IL16: variants seen among roughly 807,000 people sequenced by gnomAD.
IL16 encodes pro-interleukin-16.
Under a neutral mutation model 110.1 loss-of-function variants are expected in IL16, and 67 were observed. That is an observed-to-expected ratio of 0.61 (90% confidence interval 0.50 to 0.75). The LOEUF (loss-of-function observed/expected upper bound fraction) is 0.75. IL16 is among the 30% of genes least tolerant of loss of function. IL16 has a pLI of 0.00. For synonymous variants in IL16, 689 were observed against 662.9 expected, an observed-to-expected ratio of 1.04 and a Z score of -0.61; for missense variants, 1,545 against 1,655.0, an observed-to-expected ratio of 0.93 and a Z score of 1.15.
In IL16 at chr15:81,290,650, A is replaced by G. The variant is rs139118838; in HGVS notation, c.1420+110A>G. On this transcript the variant is annotated intron_variant, in intron 11 of 18. Coordinates refer to ENST00000683961, the MANE Select transcript of IL16 (RefSeq NM_172217.5). ...AAGGAATAGTAACAGCATTTACCAT[A>G]GACCAGCATAGTATGTAGACAAAGG... The G allele has an allele frequency of 4.5e-4, 296 of 652,402 alleles. No homozygotes were observed. The African/African-American group carries it at 5.0e-3, about 11-fold the overall frequency. 40.4% of individuals were successfully genotyped at this position (652,402 alleles called of 1,614,324 possible).
rs146879820 is a variant in IL16 at position 81,299,650 on chromosome 15, A to G, written c.2324A>G (p.Asp775Gly). Reference sequence around the variant, plus strand: ...ACTCCCAAAGTTTACAAGTCAGCAGACAGCAGCACTGTGAAGAAAGGTCCT... The same window carrying G: ...ACTCCCAAAGTTTACAAGTCAGCAGGCAGCAGCACTGTGAAGAAAGGTCCT... Reference protein sequence around the residue: ...NGTPKVYKSADSSTVKKGPPV... With the variant: ...NGTPKVYKSAGSSTVKKGPPV... Residue 775 changes from aspartate (D) to glycine (G), a missense_variant, in exon 14 of 19, where the codon GAC (aspartate) becomes GGC (glycine). By Grantham distance (94) the Asp-to-Gly change is moderately conservative. Transcript: ENST00000683961. 161 of 1,614,230 alleles carry G rather than the reference A, an allele frequency of 1.0e-4. No homozygotes were observed. The African/African-American group carries it at 1.9e-3, about 19-fold the overall frequency.
intron 2 of IL16, among the ~76,000 whole-genome samples, chr15:81,229,258 G>A (rs1431154599): frequency 6.6e-6 from 1 of 152,148 alleles, no homozygotes; most frequent in Non-Finnish European, 1.5e-5. Flanking sequence ...GAAATCATGG[G>A]TACACCGAGG....
upstream of IL16, among the ~76,000 whole-genome samples, chr15:81,192,036 C>T (rs1390169984): frequency 2.0e-5 from 3 of 152,190 alleles, no homozygotes; most frequent in African/African-American, 7.2e-5. Context: ...TCTGATACTA[C>T]AGTGGTAGAT....
At chr15:81,231,821 T>A (rs1403277628) in intron 2 of IL16, among the ~76,000 whole-genome samples, 4 of 152,220 alleles carry the variant, frequency 2.6e-5, no homozygotes, top group Admixed American at 2.6e-4. Context: ...GAATATCCAA[T>A]GTAGTCAACA....
chr15:81,221,594 C>G (rs932003575), intron 1 of IL16, among the ~76,000 whole-genome samples: 2 of 152,092 alleles, frequency 1.3e-5, no homozygotes, highest in Non-Finnish European at 2.9e-5. Flanking sequence ...TCCTCCCTCT[C>G]GATGCCAGGC....
intron 2 of IL16, among the ~76,000 whole-genome samples, chr15:81,241,473 A>G (rs1393272951): frequency 1.3e-5 from 2 of 152,204 alleles, no homozygotes; most frequent in South Asian, 2.1e-4. Flanking sequence ...CAATTTTTAT[A>G]ATTTTCTTCA....
At chr15:81,248,598 C>A (rs1476536131) in intron 2 of IL16, among the ~76,000 whole-genome samples, 1 of 149,498 alleles carries the variant, frequency 6.7e-6, no homozygotes, top group Non-Finnish European at 1.5e-5. Context: ...ATACTTATTC[C>A]ATTTTCCCTG....
At position 81,292,492 on chromosome 15, in the gene IL16, G is replaced by A. The variant is rs150267589; in HGVS notation, c.1421-64G>A. On this transcript the variant is annotated intron_variant, in intron 11 of 18. Transcript: ENST00000683961. ...TGCTGCCCGTGGCAGTCACAGGTGA[G>A]GCCAGGGGGTATTTCTGTTTTCTGA... 662 of 1,611,430 alleles carry A rather than the reference G, an allele frequency of 4.1e-4. 3 individuals are homozygous for A. The African/African-American group carries it at 7.4e-3, about 18-fold the overall frequency.
chr15:81,282,749 C>T lies in IL16; in HGVS notation c.1192C>T (p.Arg398Cys), dbSNP rs147330495. The change falls in exon 9 of 19, where the codon CGT becomes TGT. Residue 398 changes from arginine (R) to cysteine (C), a missense_variant. This residue lies in a region of IL16 where 1,185 missense variants were observed against 1,238.8 expected (regional missense o/e 0.96). Coordinates refer to ENST00000683961, the MANE Select transcript of IL16 (RefSeq NM_172217.5). ...SPGSVAHLDG[R>C]LRCGDEIVEI... ...AGGATCCGTGGCGCACCTGGACGGA[C>T]GTCTCCGGTATGTCCTCACTTCTGT... The T allele has an allele frequency of 5.0e-5, 81 of 1,609,456 alleles. 1 individual carries two copies. The highest frequency in any genetic ancestry group is 6.7e-5 in the African/African-American group (5 of 74,980).
In IL16 at chr15:81,198,692, T is replaced by A. The variant is rs546376994; in HGVS notation, c.-102+1540T>A. Among the ~76,000 whole-genome samples the A allele has an allele frequency of 6.2e-3, 935 of 151,254 alleles. 7 individuals carry two copies. Among genetic ancestry groups the A allele is most frequent in the Non-Finnish European group, 8.9e-3 (607 of 67,852 alleles). The stretch of plus-strand genomic sequence containing the variant: ...CTGGTTCCCAGCAGTGGCCCAGGGG[T>A]ATAGGAGTGAGAGGGAGGGAGGTAC... On this transcript the variant is annotated intron_variant, in intron 1 of 18. Transcript: ENST00000683961.
rs1350495808 is a variant in IL16, at chr15:81,292,553, C to T, written c.1421-3C>T. The T allele has an allele frequency of 4.4e-6, 7 of 1,608,008 alleles. No individual in the cohort carries two copies. Among genetic ancestry groups the T allele is most frequent in the Non-Finnish European group, 5.1e-6 (6 of 1,175,378 alleles). On this transcript the variant is annotated splice_polypyrimidine_tract_variant and splice_region_variant and intron_variant, in intron 11 of 18. Coordinates refer to ENST00000683961, the MANE Select transcript of IL16 (RefSeq NM_172217.5). ...TGAAGATTCTCTTGTGCTTCCCACA[C>T]AGGTGTCAAAAGGCTGGAAAGCAGT... is the stretch of plus-strand genomic sequence containing the variant.
intron 1 of IL16, among the ~76,000 whole-genome samples, 154 bp downstream of exon 1, chr15:81,197,306 C>A (rs1477928936): frequency 6.6e-6 from 1 of 152,104 alleles, no homozygotes; most frequent in Non-Finnish European, 1.5e-5. Flanking sequence ...GGAGCAGAAG[C>A]CAGGATTGTG....
chr15:81,292,845 A>G lies in IL16; in HGVS notation c.1710A>G (p.Pro570=). ...SRLPQESPPL[P]ESRDSHPPLR... ...TGCCCCAGGAGAGCCCACCCCTCCCAGAGAGCCGGGACAGCCACCCGCCGC... is the reference window on the plus strand; with the variant it reads ...TGCCCCAGGAGAGCCCACCCCTCCCGGAGAGCCGGGACAGCCACCCGCCGC... The change falls in exon 12 of 19, where the codon CCA becomes CCG. Residue 570 remains proline, a synonymous_variant. Transcript: ENST00000683961. 1 of 1,614,024 alleles carries G rather than the reference A, an allele frequency of 6.2e-7. No individual in the cohort carries two copies. The highest frequency in any genetic ancestry group is 8.5e-7 in the Non-Finnish European group (1 of 1,179,958).
upstream of IL16, among the ~76,000 whole-genome samples, chr15:81,193,997 A>G (rs1250481115): frequency 6.6e-6 from 1 of 152,202 alleles, no homozygotes; most frequent in Non-Finnish European, 1.5e-5. Context: ...ACTAGTTAAA[A>G]TTGTTACATT....
chr15:81,273,270 G>C, intron 6 of IL16, 66 bp downstream of exon 6: 1 of 1,204,288 alleles, frequency 8.3e-7, no homozygotes, highest in Non-Finnish European at 1.2e-6. Flanking sequence ...AATTGCTGGG[G>C]CCATAGAAGA....
At chr15:81,213,441 C>T (rs557472378) in intron 1 of IL16, among the ~76,000 whole-genome samples, 30 of 152,110 alleles carry the variant, frequency 2.0e-4, no homozygotes, top group Non-Finnish European at 2.6e-4. Context: ...AGAGTGTCTT[C>T]GTTGGTTTTC....
At chr15:81,304,182 A>G (rs532496212) in intron 16 of IL16, among the ~76,000 whole-genome samples, 2 of 152,342 alleles carry the variant, frequency 1.3e-5, no homozygotes, top group Non-Finnish European at 2.9e-5. Flanking sequence ...TTCAGAGTCA[A>G]TCATGTCAGT....
chr15:81,187,527 T>C (rs913864969), intron 1 of IL16, among the ~76,000 whole-genome samples: 5 of 151,684 alleles, frequency 3.3e-5, no homozygotes, highest in African/African-American at 1.2e-4. Context: ...TCTGGGAGGT[T>C]GAGTTTGCAG....
chr15:81,273,086 C>G lies in IL16; in HGVS notation c.676-4C>G. 6.2e-7 allele frequency: 1 copy of G among 1,610,554 alleles called. No individual in the cohort carries two copies. The highest frequency in any genetic ancestry group is 8.5e-7 in the Non-Finnish European group (1 of 1,177,336). On this transcript the variant is annotated splice_region_variant and splice_polypyrimidine_tract_variant and intron_variant, in intron 5 of 18. Coordinates refer to ENST00000683961, the MANE Select transcript of IL16 (RefSeq NM_172217.5). ...TAAATCAGACCTTCTCTTTTTTTCCCCAGGGTCTGGGCTTCAGCATCGTTG... is the reference window on the plus strand; with the variant it reads ...TAAATCAGACCTTCTCTTTTTTTCCGCAGGGTCTGGGCTTCAGCATCGTTG...
Sources: allele counts gnomAD v4.1 joint callset (sites outside exome capture counted in the v4.1 genomes callset), GRCh38; gene constraint gnomAD v4.1.1; regional missense constraint gnomAD v4.1.1; transcripts MANE v1.5; gene names NCBI Gene and HGNC (gene_info 2026-07-23, HGNC 2026-07-21).